Variants in GNAQ observed in about 807,000 individuals in gnomAD.
GNAQ encodes the protein guanine nucleotide-binding protein G(q) subunit alpha.
In GNAQ, 8 loss-of-function variants were observed where a neutral mutation model predicts 43.9. The observed-to-expected ratio is 0.18, with a 90% CI of 0.11 to 0.33. GNAQ has a LOEUF of 0.33. Ranked by LOEUF, GNAQ falls within the 10% of genes least tolerant of loss-of-function variation. The pLI is 1.00. For missense variants in GNAQ, 158 were observed against 450.8 expected (o/e 0.35, Z 5.88); for synonymous variants, 155 against 170.7 (o/e 0.91, Z 0.71).
Position 77,894,302 on chromosome 9 carries a change from G to GAATATATATAATATATATTTAATAGAA in GNAQ, c.321+27832_321+27858dup, listed in dbSNP as rs1828451612. The stretch of plus-strand genomic sequence containing the variant: ...TTGCTAATAATACACTGTTTTAATA[G>GAATATATATAATATATATTTAATAGAA]AATATATATAATATATATTTAATAG... On this transcript the variant is annotated intron_variant, in intron 2 of 6. Coordinates refer to ENST00000286548, the MANE Select transcript of GNAQ (RefSeq NM_002072.5). Among the ~76,000 whole-genome samples, 5 of 9,360 alleles carry GAATATATATAATATATATTTAATAGAA rather than the reference G, an allele frequency of 5.3e-4. 1 individual carries two copies. The highest frequency in any genetic ancestry group is 8.9e-4 in the African/African-American group (2 of 2,240). The allele number at this position is 9,360 out of a possible 152,430, so 6.1% of individuals were successfully genotyped here. A position where few individuals can be genotyped will look rare whatever the true frequency, so the allele number is the denominator to read the frequency against.
At chr9:77,949,343 C>T (rs1480489747) in intron 1 of GNAQ, among the ~76,000 whole-genome samples, 1 of 152,178 alleles carries the variant, frequency 6.6e-6, no homozygotes, top group Admixed American at 6.5e-5. Flanking sequence ...TCAGAGGCCA[C>T]TGGGGAGTGA....
At chr9:77,894,185 T>G (rs1232265423) in intron 2 of GNAQ, among the ~76,000 whole-genome samples, 3 of 151,418 alleles carry the variant, frequency 2.0e-5, no homozygotes, top group Non-Finnish European at 2.9e-5. Flanking sequence ...GTTATTTCTC[T>G]GTTATCTGTA....
intron 5 of GNAQ, among the ~76,000 whole-genome samples, chr9:77,788,808 T>C (rs1311771211): frequency 1.3e-5 from 2 of 152,212 alleles, no homozygotes; most frequent in African/African-American, 4.8e-5. Context: ...CACACGCTTT[T>C]ATGTTATGGC....
chr9:77,973,890 T>C (rs1162045541), intron 1 of GNAQ, among the ~76,000 whole-genome samples: 1 of 152,144 alleles, frequency 6.6e-6, no homozygotes, highest in Non-Finnish European at 1.5e-5. Flanking sequence ...TTTTAAAAAA[T>C]TGAACAATTA....
intron 1 of GNAQ, among the ~76,000 whole-genome samples, chr9:77,939,481 G>A (rs1039788566): frequency 6.6e-5 from 10 of 152,082 alleles, no homozygotes; most frequent in African/African-American, 2.4e-4. Flanking sequence ...ACCTATTGCT[G>A]ACTATAAACT....
At chr9:77,812,389 T>C (rs1826942970) in intron 3 of GNAQ, among the ~76,000 whole-genome samples, 1 of 152,200 alleles carries the variant, frequency 6.6e-6, no homozygotes. Context: ...ACATCACTTA[T>C]AATACATTCT....
intron 3 of GNAQ, among the ~76,000 whole-genome samples, chr9:77,801,370 T>C (rs1826740605): frequency 6.6e-6 from 1 of 152,232 alleles, no homozygotes; most frequent in Non-Finnish European, 1.5e-5. Flanking sequence ...ATCTTTTCAA[T>C]GGCAGTATAG....
rs1384013592 is a variant in GNAQ, at chr9:77,926,207, A to G, written c.137-3862T>C. 3.9e-5 allele frequency among the ~76,000 whole-genome samples: 6 copies of G among 152,302 alleles called. No homozygotes were observed. In the East Asian group the frequency reaches 5.8e-4, roughly 15 times the overall value. ...CTAACAAATGTGTAAGCCAAATTTC[A>G]TGTGTCATTCTCCTATTTTTATAGA... is the stretch of plus-strand genomic sequence containing the variant. On this transcript the variant is annotated intron_variant, in intron 1 of 6. Transcript: ENST00000286548.
intron 2 of GNAQ, among the ~76,000 whole-genome samples, chr9:77,839,643 C>T (rs941309215): frequency 6.6e-6 from 1 of 152,168 alleles, no homozygotes; most frequent in Non-Finnish European, 1.5e-5. Flanking sequence ...ATCATGTGGG[C>T]CATAACTTGA....
chr9:78,029,683 G>GCA (rs1347127321), intron 1 of GNAQ, among the ~76,000 whole-genome samples: 1 of 152,136 alleles, frequency 6.6e-6, no homozygotes, highest in East Asian at 1.9e-4. Context: ...TTTTGTTCCT[G>GCA]CTTGTAAATG....
intron 2 of GNAQ, among the ~76,000 whole-genome samples, chr9:77,867,816 T>C (rs948634212): frequency 8.5e-5 from 13 of 152,200 alleles, no homozygotes; most frequent in Admixed American, 2.6e-4. Flanking sequence ...TTCCCAATCA[T>C]AGTATTATGG....
At chr9:77,945,236 CAA>C (rs1278195539) in intron 1 of GNAQ, among the ~76,000 whole-genome samples, 8 of 152,188 alleles carry the variant, frequency 5.3e-5, no homozygotes, top group African/African-American at 1.9e-4. Context: ...GGCACCTTCA[CAA>C]AAGAGGTAAA....
intron 1 of GNAQ, among the ~76,000 whole-genome samples, chr9:77,924,681 A>T (rs1829042803): frequency 6.6e-6 from 1 of 152,194 alleles, no homozygotes; most frequent in Non-Finnish European, 1.5e-5. Flanking sequence ...GCCCCTGGGC[A>T]CTGTCCACAC....
At chr9:77,927,069 A>T (rs1369844083) in intron 1 of GNAQ, among the ~76,000 whole-genome samples, 1 of 152,096 alleles carries the variant, frequency 6.6e-6, no homozygotes, top group African/African-American at 2.4e-5. Flanking sequence ...CATTAGACAC[A>T]CACTCTCACA....
intron 1 of GNAQ, among the ~76,000 whole-genome samples, chr9:77,991,352 C>T (rs1035476018): frequency 1.3e-5 from 2 of 152,124 alleles, no homozygotes; most frequent in African/African-American, 4.8e-5. Flanking sequence ...GAGATACAAA[C>T]CACCGTGGAA....
intron 2 of GNAQ, among the ~76,000 whole-genome samples, chr9:77,885,152 G>A (rs1225688841): frequency 6.6e-6 from 1 of 152,152 alleles, no homozygotes; most frequent in Non-Finnish European, 1.5e-5. Context: ...AAGAAAACCA[G>A]AGGTAAGGGC....
intron 2 of GNAQ, among the ~76,000 whole-genome samples, chr9:77,850,176 T>G (rs891661793): frequency 3.3e-5 from 5 of 152,246 alleles, no homozygotes; most frequent in Non-Finnish European, 5.9e-5. Context: ...ATGCCCCGCA[T>G]GCCCCTATCT....
intron 2 of GNAQ, among the ~76,000 whole-genome samples, chr9:77,849,773 C>A (rs1827644044): frequency 1.3e-5 from 2 of 152,284 alleles, no homozygotes; most frequent in South Asian, 4.1e-4. Context: ...CTCAAGCGAT[C>A]CTCTCACCTC....
intron 1 of GNAQ, among the ~76,000 whole-genome samples, chr9:78,013,909 T>C (rs1039850141): frequency 6.6e-6 from 1 of 152,168 alleles, no homozygotes; most frequent in Non-Finnish European, 1.5e-5. Flanking sequence ...CAAAAATGTT[T>C]ACTATCTAAC....
Sources: allele counts gnomAD v4.1 joint callset (sites outside exome capture counted in the v4.1 genomes callset), GRCh38; gene constraint gnomAD v4.1.1; transcripts MANE v1.5; gene names NCBI Gene and HGNC (gene_info 2026-07-23, HGNC 2026-07-21).